The following STAU1 variants were observed in gnomAD, a reference collection of about 807,000 sequenced individuals.
STAU1 encodes the protein double-stranded RNA-binding protein Staufen homolog 1.
A neutral mutation model predicts 62.9 loss-of-function variants in STAU1; 13 were observed. The observed-to-expected ratio is 0.21, with a 90% confidence interval of 0.13 to 0.33. STAU1 has a LOEUF of 0.33. STAU1 is among the 10% of genes least tolerant of loss of function. The pLI is 1.00. For synonymous variants in STAU1, 269 were observed against 265.1 expected, an observed-to-expected ratio of 1.01 and a Z score of -0.14; for missense variants, 571 against 712.1, an observed-to-expected ratio of 0.80 and a Z score of 2.25.
intron 3 of STAU1, 44 bp from the exon 4 acceptor site, chr20:49,154,115 G>A: frequency 1.3e-6 from 2 of 1,553,392 alleles, no homozygotes; most frequent in Non-Finnish European, 1.7e-6. Context: ...TCTGGTATGA[G>A]AATGATACTC....
intron 3 of STAU1, among the ~76,000 whole-genome samples, chr20:49,155,601 C>T (rs1228986375): frequency 6.6e-6 from 1 of 152,100 alleles, no homozygotes; most frequent in East Asian, 1.9e-4. Context: ...TAAAAAAGAC[C>T]TGATTCTGTA....
At chr20:49,196,367 G>A in the STAU1 span, among the ~76,000 whole-genome samples, 4 of 150,788 alleles carry the variant, frequency 2.7e-5, no homozygotes, top group African/African-American at 7.3e-5. Flanking sequence ...ACCCCGGGGG[G>A]CGGAGCCTGC....
chr20:49,161,128 G>C (rs1379974760), intron 3 of STAU1, among the ~76,000 whole-genome samples: 1 of 151,798 alleles, frequency 6.6e-6, no homozygotes, highest in Non-Finnish European at 1.5e-5. Flanking sequence ...AAACAAGCCT[G>C]GGCAACATAG....
intron 6 of STAU1, among the ~76,000 whole-genome samples, chr20:49,132,236 A>G (rs1184265593): frequency 1.3e-5 from 2 of 152,140 alleles, no homozygotes; most frequent in African/African-American, 2.4e-5. Flanking sequence ...CCCTGTCCTC[A>G]GGTTAGACTT....
chr20:49,120,503 C>A (rs1227817695), intron 8 of STAU1, among the ~76,000 whole-genome samples: 2 of 152,150 alleles, frequency 1.3e-5, no homozygotes, highest in Non-Finnish European at 2.9e-5. Context: ...GGAAGTATCA[C>A]TTTGAGAGCT....
chr20:49,136,316 C>A (rs911925946), intron 5 of STAU1, among the ~76,000 whole-genome samples: 23 of 152,166 alleles, frequency 1.5e-4, no homozygotes, highest in Middle Eastern at 3.4e-3. Context: ...CAAAAAAACA[C>A]CCATCAACAT....
At chr20:49,140,519 T>C (rs2092985437) in intron 5 of STAU1, among the ~76,000 whole-genome samples, 1 of 152,050 alleles carries the variant, frequency 6.6e-6, no homozygotes, top group Admixed American at 6.6e-5. Context: ...GAGACGAACC[T>C]TGAAAACATT....
intron 3 of STAU1, chr20:49,158,596 G>C: frequency 9.9e-7 from 1 of 1,009,916 alleles, no homozygotes; most frequent in Non-Finnish European, 1.4e-6. Flanking sequence ...GATCACTTGA[G>C]GTCAGGAGTT....
At chr20:49,206,414 GTTTTTTTTTTTTT>G in the STAU1 span, among the ~76,000 whole-genome samples, 6 of 76,598 alleles carry the variant, frequency 7.8e-5, no homozygotes, top group African/African-American at 3.4e-4. Flanking sequence ...CTTCCTTCTG[GTTTTTTTTTTTTT>G]TTTTTTTTTT....
intron 6 of STAU1, among the ~76,000 whole-genome samples, chr20:49,130,092 T>TAGATA (rs1555839197): frequency 1.3e-5 from 2 of 151,930 alleles, no homozygotes; most frequent in African/African-American, 4.8e-5. Flanking sequence ...AACTGGTAAA[T>TAGATA]AGATACACTG....
At chr20:49,197,006 T>A in the STAU1 span, among the ~76,000 whole-genome samples, 1 of 151,532 alleles carries the variant, frequency 6.6e-6, no homozygotes, top group African/African-American at 2.4e-5. Flanking sequence ...TACAAAAAAA[T>A]TAGCCAGGCG....
chr20:49,210,592 T>A, the STAU1 span: 10 of 438,186 alleles, frequency 2.3e-5, no homozygotes, highest in Admixed American at 2.5e-4. Context: ...ACAGACTTTA[T>A]TTACATAGCA....
chr20:49,137,764 C>G (rs2092919813), intron 5 of STAU1, among the ~76,000 whole-genome samples: 1 of 151,444 alleles, frequency 6.6e-6, no homozygotes, highest in Non-Finnish European at 1.5e-5. Flanking sequence ...CTCCTGGGTT[C>G]AAGCGATTCT....
At chr20:49,200,611 C>A in the STAU1 span, among the ~76,000 whole-genome samples, 5 of 150,416 alleles carry the variant, frequency 3.3e-5, no homozygotes, top group Non-Finnish European at 7.4e-5. Flanking sequence ...AAAAAAAAAA[C>A]AAACAAACAA....
At chr20:49,126,588 C>CAAAACA (rs1555837253) in intron 6 of STAU1, among the ~76,000 whole-genome samples, 4 of 56,378 alleles carry the variant, frequency 7.1e-5, no homozygotes, top group East Asian at 3.9e-4. Context: ...AAAAAAAAAA[C>CAAAACA]AAAAAAAAAA....
At chr20:49,157,138 A>C (rs2093372454) in intron 3 of STAU1, among the ~76,000 whole-genome samples, 2 of 152,082 alleles carry the variant, frequency 1.3e-5, no homozygotes, top group Admixed American at 1.3e-4. Flanking sequence ...CAGTCTCCCA[A>C]AGTGCTGGGA....
the STAU1 span, among the ~76,000 whole-genome samples, chr20:49,217,361 C>G: frequency 6.6e-6 from 1 of 152,014 alleles, no homozygotes; most frequent in Non-Finnish European, 1.5e-5. Context: ...GAGTCCCACC[C>G]CAGGTACATG....
At chr20:49,173,492 G>T (rs140185487) in intron 2 of STAU1, among the ~76,000 whole-genome samples, 1 of 152,276 alleles carries the variant, frequency 6.6e-6, no homozygotes, top group East Asian at 1.9e-4. Flanking sequence ...ATCCAGTGTG[G>T]TGAGTTTAAA....
intron 8 of STAU1, among the ~76,000 whole-genome samples, chr20:49,122,875 C>T (rs1235529489): frequency 6.6e-6 from 1 of 151,972 alleles, no homozygotes; most frequent in African/African-American, 2.4e-5. Flanking sequence ...TGAGACAGCA[C>T]CACTGCACTC....
Sources: allele counts gnomAD v4.1 joint callset (sites outside exome capture counted in the v4.1 genomes callset), GRCh38; gene constraint gnomAD v4.1.1; transcripts MANE v1.5; gene names NCBI Gene and HGNC (gene_info 2026-07-23, HGNC 2026-07-21).